The following DLGAP1 variants were observed in gnomAD, a reference collection of about 807,000 sequenced individuals.
The protein encoded by DLGAP1 is DLG associated protein 1.
In DLGAP1, 11 loss-of-function variants were observed where a neutral mutation model predicts 90.8. The observed-to-expected ratio is 0.12, with a 90% CI of 0.08 to 0.20. The LOEUF (loss-of-function observed/expected upper bound fraction) is 0.20, where lower values mean the gene tolerates loss of function less well. Ranked by LOEUF, DLGAP1 falls within the 10% of genes least tolerant of loss-of-function variation. The probability of loss-of-function intolerance (pLI) is 1.00; values close to 1 mark genes in which losing one functional copy is unlikely to be tolerated. For synonymous variants in DLGAP1, 558 were observed against 540.7 expected (o/e 1.03, Z -0.44); for missense variants, 1,050 against 1,333.8 (o/e 0.79, Z 3.31).
rs886600012 is a variant in DLGAP1, at chr18:4,395,852, G to A, written c.-267+59154C>T. Among the ~76,000 whole-genome samples the A allele has an allele frequency of 3.3e-5, 5 of 152,084 alleles. No individual in the cohort carries two copies. In the East Asian group the frequency reaches 5.8e-4, roughly 18 times the overall value. ...CAAACGCCCAAGTAATGCTGAATGC[G>A]GGAGCTGCAGTTAACATGTTCCTAA... On this transcript the variant is annotated intron_variant, in intron 1 of 12. Transcript: ENST00000315677.
chr18:4,141,571 C>T (rs1365966093), intron 2 of DLGAP1, among the ~76,000 whole-genome samples: 1 of 151,954 alleles, frequency 6.6e-6, no homozygotes, highest in Non-Finnish European at 1.5e-5. Context: ...TCTGGACTCC[C>T]TGAAAAATCT....
chr18:4,174,425 C>T (rs868630449), intron 1 of DLGAP1, among the ~76,000 whole-genome samples: 1 of 152,078 alleles, frequency 6.6e-6, no homozygotes, highest in South Asian at 2.1e-4. Context: ...ACCTCCGCCC[C>T]CCGGGTTCAA....
At chr18:4,253,275 G>A (rs183798955) in intron 1 of DLGAP1, among the ~76,000 whole-genome samples, 66 of 152,152 alleles carry the variant, frequency 4.3e-4, no homozygotes, top group Non-Finnish European at 7.9e-4. Flanking sequence ...ATACAATGAA[G>A]AATTACAAAA....
chr18:4,044,200 G>A (rs543383855), intron 2 of DLGAP1, among the ~76,000 whole-genome samples: 2 of 152,224 alleles, frequency 1.3e-5, no homozygotes, highest in East Asian at 3.9e-4. Context: ...CTCTTTCCTG[G>A]AAAGTTCAAT....
At chr18:3,636,541 A>AGCTG (rs777217959) in intron 7 of DLGAP1, among the ~76,000 whole-genome samples, 11 of 151,104 alleles carry the variant, frequency 7.3e-5, no homozygotes, top group Non-Finnish European at 1.5e-4. Flanking sequence ...CCTCCCGAGG[A>AGCTG]GCTGGGACTA....
At chr18:4,340,941 A>G (rs908789528) in intron 1 of DLGAP1, among the ~76,000 whole-genome samples, 1 of 152,066 alleles carries the variant, frequency 6.6e-6, no homozygotes, top group Non-Finnish European at 1.5e-5. Context: ...CAAAAATTAT[A>G]TAAGGAAAAT....
intron 7 of DLGAP1, among the ~76,000 whole-genome samples, chr18:3,623,805 C>G (rs1425260158): frequency 6.6e-6 from 1 of 151,788 alleles, no homozygotes; most frequent in Non-Finnish European, 1.5e-5. Context: ...AAAGGAAAAC[C>G]CCCCTAGAAA....
At chr18:4,398,767 G>A (rs1352620935) in intron 1 of DLGAP1, among the ~76,000 whole-genome samples, 1 of 152,084 alleles carries the variant, frequency 6.6e-6, no homozygotes, top group Non-Finnish European at 1.5e-5. Context: ...TCACAAACCT[G>A]GAAGAATTTT....
intron 2 of DLGAP1, among the ~76,000 whole-genome samples, chr18:4,047,185 C>T (rs529908505): frequency 3.3e-5 from 5 of 152,294 alleles, no homozygotes; most frequent in Non-Finnish European, 7.4e-5. Flanking sequence ...ATTCCACTCC[C>T]GGAGCTTCCT....
intron 1 of DLGAP1, among the ~76,000 whole-genome samples, chr18:4,301,189 T>C (rs12968471): frequency 0.22 from 32,769 of 152,046 alleles, 3,633 homozygotes; most frequent in African/African-American, 0.25. Context: ...TTATTTTTAA[T>C]TATATTCACG....
At chr18:4,399,947 G>C (rs2082517973) in intron 1 of DLGAP1, among the ~76,000 whole-genome samples, 1 of 152,076 alleles carries the variant, frequency 6.6e-6, no homozygotes, top group South Asian at 2.1e-4. Context: ...GGTATGTCTA[G>C]TTTCAGAAGG....
rs571239847 is a variant in DLGAP1, at chr18:4,360,516, A to G, written c.-267+94490T>C. 3.3e-5 allele frequency among the ~76,000 whole-genome samples: 5 copies of G among 152,322 alleles called. No individual in the cohort carries two copies. In the East Asian group the frequency reaches 7.7e-4, roughly 23 times the overall value. On this transcript the variant is annotated intron_variant, in intron 1 of 12. Coordinates refer to ENST00000315677, the MANE Select transcript of DLGAP1 (RefSeq NM_004746.4). ...AGTTATGCAAATGAAATATTTTCAC[A>G]CACATAAATAATGATAAACATAGAT... is the stretch of plus-strand genomic sequence containing the variant.
rs573382073 is a variant in DLGAP1 at position 3,532,235 on chromosome 18, G to A, written c.2479+1959C>T. On this transcript the variant is annotated intron_variant, in intron 10 of 12. Coordinates refer to ENST00000315677, the MANE Select transcript of DLGAP1 (RefSeq NM_004746.4). ...CTGGCCAGTTGTTGAAGCAGGTGAC[G>A]AGTACATGGGGACTCATCATGTTAA... Among the ~76,000 whole-genome samples, 21 of 152,244 alleles carry A rather than the reference G, an allele frequency of 1.4e-4. No homozygotes were observed. The South Asian group carries it at 4.4e-3, about 32-fold the overall frequency.
intron 1 of DLGAP1, among the ~76,000 whole-genome samples, chr18:4,186,192 C>T (rs2144695539): frequency 6.6e-6 from 1 of 152,140 alleles, no homozygotes; most frequent in East Asian, 1.9e-4. Flanking sequence ...TTTTCGGATG[C>T]ATAGTTTCCA....
At chr18:3,839,246 C>T (rs2068571139) in intron 4 of DLGAP1, among the ~76,000 whole-genome samples, 1 of 152,114 alleles carries the variant, frequency 6.6e-6, no homozygotes, top group South Asian at 2.1e-4. Context: ...CGAATGCTTC[C>T]TGTGTGCCAA....
chr18:3,873,157 A>G lies in DLGAP1; in HGVS notation c.957+5955T>C, dbSNP rs921463657. ...GCTGCTTTCTCACAATGTTTTGTCAATTTTTTTTTCCCTTTATTAATTGGA... is the reference window on the plus strand; with the variant it reads ...GCTGCTTTCTCACAATGTTTTGTCAGTTTTTTTTTCCCTTTATTAATTGGA... On this transcript the variant is annotated intron_variant, in intron 4 of 12. Transcript: ENST00000315677. Among the ~76,000 whole-genome samples, 9 of 151,726 alleles carry G rather than the reference A, an allele frequency of 5.9e-5. 2 individuals are homozygous for G. The highest frequency in any genetic ancestry group is 3.9e-4 in the Admixed American group (6 of 15,216).
At chr18:4,286,806 G>A (rs188855681) in intron 1 of DLGAP1, among the ~76,000 whole-genome samples, 77 of 152,212 alleles carry the variant, frequency 5.1e-4, no homozygotes, top group Non-Finnish European at 9.3e-4. Flanking sequence ...TTGTTAGGGA[G>A]GATCTTAAAA....
intron 3 of DLGAP1, among the ~76,000 whole-genome samples, chr18:3,990,658 AATAAT>A (rs2073948876): frequency 6.7e-6 from 1 of 148,488 alleles, no homozygotes; most frequent in African/African-American, 2.5e-5. Flanking sequence ...TAATAATAAT[AATAAT>A]AAAAAGAAAT....
In DLGAP1 at chr18:3,772,406, TTC is replaced by T. The variant is rs1457330869; in HGVS notation, c.1173-29896_1173-29895del. Reference sequence around the variant, plus strand: ...TTTCTTTCTTTCTTTCTTTCTTTCTTTCTCTTTCTTTCTTTCCTTCCTTCCTC... The same window carrying T: ...TTTCTTTCTTTCTTTCTTTCTTTCTTTCTTTCTTTCTTTCCTTCCTTCCTC... On this transcript the variant is annotated intron_variant, in intron 5 of 12. Transcript: ENST00000315677. Among the ~76,000 whole-genome samples, 28 of 32,472 alleles carry T rather than the reference TTC, an allele frequency of 8.6e-4. 1 individual carries two copies. The highest frequency in any genetic ancestry group is 1.7e-3 in the South Asian group (1 of 590). The allele number at this position is 32,472 out of a possible 152,430, so 21.3% of individuals were successfully genotyped here.
Sources: gnomAD v4.1 joint callset for allele counts (sites outside exome capture counted in the v4.1 genomes callset) on GRCh38, gnomAD v4.1.1 for gene constraint, MANE v1.5 for transcripts, NCBI Gene and HGNC (gene_info 2026-07-23, HGNC 2026-07-21) for gene names.